Variants in LRRC56 observed in about 807,000 individuals in gnomAD.
LRRC56 encodes leucine rich repeat containing 56, also known as leucine-rich repeat-containing protein 56.
LRRC56 carries 41 observed loss-of-function variants against 47.8 expected under a neutral mutation model. The ratio of observed to expected loss-of-function variants is 0.86; its 90% CI spans 0.67 to 1.11. The LOEUF is 1.11. Among genes scored for constraint, LRRC56 ranks in the 50% most tolerant of loss-of-function variants. The pLI is 0.00. For missense variants in LRRC56, 759 were observed against 704.2 expected, an observed-to-expected ratio of 1.08 and a Z score of -0.88; for synonymous variants, 387 against 311.2, an observed-to-expected ratio of 1.24 and a Z score of -2.56.
upstream of LRRC56, chr11:533,265 C>A (rs1269830514): frequency 6.4e-7 from 1 of 1,573,766 alleles, no homozygotes; most frequent in African/African-American, 1.3e-5. Context: ...CCTGCCGTCC[C>A]GGGAGACTTA....
chr11:521,792 G>A, the LRRC56 span, among the ~76,000 whole-genome samples: 1 of 151,972 alleles, frequency 6.6e-6, no homozygotes, highest in Non-Finnish European at 1.5e-5. Context: ...GCGAGCGCCT[G>A]TAGTCCCAGC....
At chr11:511,032 A>T in the LRRC56 span, among the ~76,000 whole-genome samples, 1 of 152,118 alleles carries the variant, frequency 6.6e-6, no homozygotes, top group Non-Finnish European at 1.5e-5. Context: ...GTGAAATGGG[A>T]AAACACTGGC....
chr11:522,359 G>A, the LRRC56 span, among the ~76,000 whole-genome samples: 2 of 152,056 alleles, frequency 1.3e-5, no homozygotes, highest in Non-Finnish European at 2.9e-5. Flanking sequence ...TCTGCCTCCC[G>A]GGTTCAGGCC....
At chr11:511,141 A>G in the LRRC56 span, among the ~76,000 whole-genome samples, 29 of 151,438 alleles carry the variant, frequency 1.9e-4, 1 homozygote, top group Middle Eastern at 6.8e-3. Context: ...CTAACACGGT[A>G]AAACCGCGTC....
At chr11:524,627 G>C in the LRRC56 span, among the ~76,000 whole-genome samples, 2 of 151,612 alleles carry the variant, frequency 1.3e-5, no homozygotes, top group Non-Finnish European at 2.9e-5. Context: ...GTGAAACTCT[G>C]TCTCAAAAAA....
chr11:552,225 G>C lies in LRRC56; in HGVS notation c.1174G>C (p.Gly392Arg). 1.9e-6 allele frequency: 3 copies of C among 1,609,404 alleles called. No individual in the cohort carries two copies. The South Asian group carries it at 3.3e-5, about 18-fold the overall frequency. ...LAGLRAWREHGVRPLPYRHPE... is the reference protein window; with the variant it reads ...LAGLRAWREHRVRPLPYRHPE... ...TGGGCTCAGGGCCTGGAGGGAACAT[G>C]GCGTGCGGTGGGTGTCCCTCCAGCT... Residue 392 changes from glycine (G) to arginine (R), a missense_variant, in exon 12 of 14, where the codon GGC (glycine) becomes CGC (arginine). Gly to Arg is a moderately radical substitution (Grantham distance 125, BLOSUM62 -2). Transcript: ENST00000270115.
At chr11:517,515 G>C in the LRRC56 span, among the ~76,000 whole-genome samples, 1 of 150,144 alleles carries the variant, frequency 6.7e-6, no homozygotes, top group Non-Finnish European at 1.5e-5. Context: ...GGTGGGGAGC[G>C]CCTCTGCCCG....
rs1852227153 is a variant in LRRC56, at chr11:548,987, TCAGAGC to T, written c.327-914_327-909del. 3.3e-5 allele frequency among the ~76,000 whole-genome samples: 5 copies of T among 151,996 alleles called. No individual in the cohort carries two copies. In the South Asian group the frequency reaches 1.0e-3, roughly 32 times the overall value. On this transcript the variant is annotated intron_variant, in intron 6 of 13. Transcript: ENST00000270115. ...TCACTAGACACAAATCCCAGCCAATTCAGAGCGGAGTGGAAAAGCCATTGAAGGCAG... is the reference window on the plus strand; with the variant it reads ...TCACTAGACACAAATCCCAGCCAATTGGAGTGGAAAAGCCATTGAAGGCAG...
chr11:511,060 A>G, the LRRC56 span, among the ~76,000 whole-genome samples: 14 of 152,210 alleles, frequency 9.2e-5, no homozygotes, highest in East Asian at 9.7e-4. Context: ...GGTGGCTCAC[A>G]CCTGTCATCC....
chr11:507,251 TCGTGGGCGTGGTCAGGTG>T, the LRRC56 span: 1 of 150,360 alleles, frequency 6.7e-6, no homozygotes, highest in Non-Finnish European at 1.5e-5. Flanking sequence ...TCGAGCCGGC[TCGTGGGCGTGGTCAGGTG>T]CGTGGGCGGG....
chr11:546,061 A>G (rs1291988310), intron 6 of LRRC56, among the ~76,000 whole-genome samples: 1 of 152,086 alleles, frequency 6.6e-6, no homozygotes, highest in Non-Finnish European at 1.5e-5. Flanking sequence ...ACCTGAGGTC[A>G]GGAGTTCGAG....
At chr11:514,225 C>G in the LRRC56 span, among the ~76,000 whole-genome samples, 1 of 151,638 alleles carries the variant, frequency 6.6e-6, no homozygotes, top group African/African-American at 2.4e-5. Flanking sequence ...AACTCCTGGC[C>G]TCAGGTGATC....
chr11:551,154 G>A lies in LRRC56; in HGVS notation c.648G>A (p.Arg216=). ...TNKVPRGYNY[R]AEVRKLIPQL... The stretch of plus-strand genomic sequence containing the variant: ...AGGTGCCCAGGGGCTACAACTACAG[G>A]GCAGAGGTGAGGAAGCTCATTCCCC... The change falls in exon 9 of 14, where the codon AGG becomes AGA. Residue 216 remains arginine (R), a synonymous_variant. Coordinates refer to ENST00000270115, the MANE Select transcript of LRRC56 (RefSeq NM_198075.4). 6.5e-7 allele frequency: 1 copy of A among 1,535,154 alleles called. No individual in the cohort carries two copies. Among genetic ancestry groups the A allele is most frequent in the Non-Finnish European group, 8.8e-7 (1 of 1,137,206 alleles).
chr11:533,986 G>T (rs770511125), upstream of LRRC56: 2 of 1,590,768 alleles, frequency 1.3e-6, no homozygotes, highest in Non-Finnish European at 8.6e-7. Flanking sequence ...AGGACCTTCC[G>T]TGGGGGGAGT....
At chr11:512,156 CTGG>C in the LRRC56 span, among the ~76,000 whole-genome samples, 4 of 152,190 alleles carry the variant, frequency 2.6e-5, no homozygotes, top group South Asian at 8.3e-4. Flanking sequence ...GTTGGACAGG[CTGG>C]TCTCAATCTC....
the LRRC56 span, among the ~76,000 whole-genome samples, chr11:507,464 G>A: frequency 6.6e-6 from 1 of 151,566 alleles, no homozygotes; most frequent in Non-Finnish European, 1.5e-5. Context: ...GCGGGGCTTG[G>A]TGCCGGGGGC....
upstream of LRRC56, chr11:534,076 C>T (rs771433892): frequency 2.4e-5 from 28 of 1,190,856 alleles, no homozygotes; most frequent in Non-Finnish European, 3.1e-5. Context: ...CGAGGGACTC[C>T]CCTCCTCTAG....
chr11:528,059 C>T, the LRRC56 span, among the ~76,000 whole-genome samples: 1 of 152,152 alleles, frequency 6.6e-6, no homozygotes, highest in Non-Finnish European at 1.5e-5. Flanking sequence ...TGGTCTTGAA[C>T]TCCTGACCTC....
upstream of LRRC56, chr11:534,434 G>A: frequency 2.4e-6 from 2 of 848,816 alleles, no homozygotes; most frequent in Admixed American, 2.3e-5. Flanking sequence ...CCACAGGGCA[G>A]CTGCTGGCAG....
Sources: allele counts gnomAD v4.1 joint callset (sites outside exome capture counted in the v4.1 genomes callset), GRCh38; gene constraint gnomAD v4.1.1; transcripts MANE v1.5; gene names NCBI Gene and HGNC (gene_info 2026-07-23, HGNC 2026-07-21).